Variants in CNBD1 observed in about 807,000 individuals in gnomAD.
CNBD1 encodes cyclic nucleotide binding domain containing 1.
Under a neutral mutation model 54.4 loss-of-function variants are expected in CNBD1, and 71 were observed. That is an observed-to-expected ratio of 1.30 (90% CI 1.08 to 1.59). The LOEUF is 1.59. CNBD1 is among the 40% of genes most tolerant of loss of function. CNBD1 has a pLI of 0.00. For missense variants in CNBD1, 659 were observed against 518.0 expected, an observed-to-expected ratio of 1.27 and a Z score of -2.64; for synonymous variants, 182 against 170.7, an observed-to-expected ratio of 1.07 and a Z score of -0.51.
intron 2 of CNBD1, among the ~76,000 whole-genome samples, chr8:86,899,173 G>A (rs1414868270): frequency 6.6e-6 from 1 of 152,116 alleles, no homozygotes. Flanking sequence ...CAAGGGTGAA[G>A]GGAGGAAATG....
chr8:86,953,586 G>C (rs1003770337), intron 4 of CNBD1, among the ~76,000 whole-genome samples: 2 of 152,252 alleles, frequency 1.3e-5, no homozygotes, highest in African/African-American at 4.8e-5. Context: ...TCCTATGCAG[G>C]CCGAGCACGG....
intron 4 of CNBD1, among the ~76,000 whole-genome samples, chr8:87,118,616 A>G (rs1182845367): frequency 1.3e-5 from 2 of 152,188 alleles, no homozygotes; most frequent in Non-Finnish European, 2.9e-5. Context: ...ACATGGGATC[A>G]TAGAGATAAG....
chr8:87,133,679 T>C (rs1812166749), intron 4 of CNBD1, among the ~76,000 whole-genome samples: 1 of 149,542 alleles, frequency 6.7e-6, no homozygotes, highest in African/African-American at 2.5e-5. Flanking sequence ...TTGATTGTTA[T>C]ACAACCTCTT....
At chr8:87,026,844 T>G (rs184358606) in intron 4 of CNBD1, among the ~76,000 whole-genome samples, 138 of 152,318 alleles carry the variant, frequency 9.1e-4, no homozygotes, top group African/African-American at 3.2e-3. Context: ...TAGTCTCATT[T>G]GTCAGAGAAG....
intron 4 of CNBD1, among the ~76,000 whole-genome samples, chr8:87,160,771 T>TA (rs926644514): frequency 9.6e-4 from 145 of 151,826 alleles, no homozygotes; most frequent in African/African-American, 3.1e-3. Context: ...ATACTATTTT[T>TA]AAAAAAAACA....
intron 8 of CNBD1, among the ~76,000 whole-genome samples, chr8:87,296,091 T>A (rs1411748981): frequency 1.3e-5 from 2 of 152,144 alleles, no homozygotes; most frequent in African/African-American, 4.8e-5. Flanking sequence ...AATAAGTACA[T>A]ATGTTTATAG....
At chr8:87,284,572 C>T in intron 6 of CNBD1, 106 bp from the exon 7 acceptor site, 1 of 951,338 alleles carries the variant, frequency 1.1e-6, no homozygotes, top group Non-Finnish European at 1.5e-6. Context: ...AGTTTAGAAC[C>T]CCCTCTTTCA....
intron 4 of CNBD1, among the ~76,000 whole-genome samples, chr8:87,156,798 A>G (rs1287010470): frequency 1.3e-5 from 2 of 152,142 alleles, no homozygotes; most frequent in African/African-American, 4.8e-5. Context: ...ATTCAGGAGC[A>G]TAGTGTACAA....
At chr8:87,418,485 A>C (rs1207648540) in intron 2 of CNBD1, among the ~76,000 whole-genome samples, 2 of 151,976 alleles carry the variant, frequency 1.3e-5, no homozygotes, top group Admixed American at 6.6e-5. Context: ...TAAAGCACAA[A>C]CAACCAAAGA....
intron 4 of CNBD1, among the ~76,000 whole-genome samples, chr8:86,982,823 A>G (rs921450267): frequency 2.0e-5 from 3 of 152,180 alleles, no homozygotes; most frequent in African/African-American, 4.8e-5. Flanking sequence ...GTACACAACA[A>G]GCCTGCTGAG....
At chr8:87,016,468 AACTAT>A (rs1364012922) in intron 4 of CNBD1, among the ~76,000 whole-genome samples, 5 of 151,444 alleles carry the variant, frequency 3.3e-5, no homozygotes, top group African/African-American at 1.2e-4. Flanking sequence ...AAAAAAAAAA[AACTAT>A]CTAGGGCAAC....
At position 87,182,173 on chromosome 8, in the gene CNBD1, C is replaced by A. The variant is rs1813365712; in HGVS notation, c.432-23820C>A. On this transcript the variant is annotated intron_variant, in intron 4 of 10. Transcript: ENST00000518476. This position sits in a 1 kb window ranked among gnomAD's most constrained non-coding sequence, Gnocchi z 4.1. ...TTGGATTTCTGATCCTATGTTAGTT[C>A]ACTTAGGATAATGGCCTTCACCTAT... Among the ~76,000 whole-genome samples the A allele has an allele frequency of 6.6e-6, 1 of 152,106 alleles. No homozygotes were observed. Among genetic ancestry groups the A allele is most frequent in the Admixed American group, 6.6e-5 (1 of 15,262 alleles).
chr8:86,938,937 C>A (rs1809600244), intron 3 of CNBD1, among the ~76,000 whole-genome samples: 1 of 152,132 alleles, frequency 6.6e-6, no homozygotes, highest in Non-Finnish European at 1.5e-5. Flanking sequence ...GGTCTATTAT[C>A]AAGATGTAAT....
intron 5 of CNBD1, among the ~76,000 whole-genome samples, chr8:87,222,037 CT>C (rs1244336093): frequency 1.3e-5 from 2 of 151,916 alleles, no homozygotes; most frequent in East Asian, 3.9e-4. Context: ...CATTTTATTG[CT>C]TTGTTATCTT....
chr8:87,013,787 TA>T (rs1225640222), intron 4 of CNBD1, among the ~76,000 whole-genome samples: 1 of 151,880 alleles, frequency 6.6e-6, no homozygotes, highest in Admixed American at 6.6e-5. Flanking sequence ...ATGTTATGTT[TA>T]ATTGGCAGTT....
At chr8:87,129,069 C>CAA (rs570657716) in intron 4 of CNBD1, among the ~76,000 whole-genome samples, 426 of 26,148 alleles carry the variant, frequency 0.016, 37 homozygotes, top group African/African-American at 0.057. Context: ...GACTCTGCCT[C>CAA]AAAAAAAAAA....
intron 4 of CNBD1, among the ~76,000 whole-genome samples, chr8:86,978,410 A>AC (rs1224194183): frequency 2.0e-5 from 3 of 152,110 alleles, no homozygotes; most frequent in Non-Finnish European, 4.4e-5. Flanking sequence ...AGTCTGAAAA[A>AC]ATTTTTGTCT....
chr8:87,345,034 T>G (rs190158158), intron 8 of CNBD1, among the ~76,000 whole-genome samples: 70 of 152,324 alleles, frequency 4.6e-4, no homozygotes, highest in Middle Eastern at 6.8e-3. Context: ...GCGCTAGTTA[T>G]AGTGCACTGT....
chr8:87,216,493 GAGAA>G (rs1349967964), intron 5 of CNBD1, among the ~76,000 whole-genome samples: 1 of 152,124 alleles, frequency 6.6e-6, no homozygotes, highest in Non-Finnish European at 1.5e-5. Flanking sequence ...TCTGTCATAT[GAGAA>G]AGAAATTTAT....
Sources: allele counts gnomAD v4.1 joint callset (sites outside exome capture counted in the v4.1 genomes callset), GRCh38; gene constraint gnomAD v4.1.1; non-coding constraint Gnocchi (gnomAD v3.1); transcripts MANE v1.5; gene names NCBI Gene and HGNC (gene_info 2026-07-23, HGNC 2026-07-21).